TEX2: variants seen among roughly 807,000 people sequenced by gnomAD.
The protein encoded by TEX2 is testis expressed 2, also known as testis-expressed protein 2.
A neutral mutation model predicts 106.9 loss-of-function variants in TEX2; 53 were observed. The ratio of observed to expected loss-of-function variants is 0.50; its 90% CI spans 0.40 to 0.62. The LOEUF is 0.62. TEX2 is among the 20% of genes least tolerant of loss of function. TEX2 has a pLI of 0.00. For missense variants in TEX2, 1,207 were observed against 1,379.0 expected (o/e 0.88, Z 1.98); for synonymous variants, 523 against 534.8 (o/e 0.98, Z 0.30).
Position 64,217,023 on chromosome 17 carries a change from A to C in TEX2, c.-25-2781T>G, listed in dbSNP as rs1555632731. Among the ~76,000 whole-genome samples, 1 of 152,222 alleles carries C rather than the reference A, an allele frequency of 6.6e-6. No homozygotes were observed. Among genetic ancestry groups the C allele is most frequent in the East Asian group, 1.9e-4 (1 of 5,202 alleles). On this transcript the variant is annotated intron_variant, in intron 1 of 11. Transcript: ENST00000584379. This position sits in a 1 kb window ranked among gnomAD's most constrained non-coding sequence, Gnocchi z 4.3. ...TCCACTTCTCTAGATTTTTACTAAAATAAGCCACACGAGGCCGGAGCATCA... is the reference window on the plus strand; with the variant it reads ...TCCACTTCTCTAGATTTTTACTAAACTAAGCCACACGAGGCCGGAGCATCA...
chr17:64,227,023 C>T (rs551182031), intron 1 of TEX2, among the ~76,000 whole-genome samples: 9 of 152,004 alleles, frequency 5.9e-5, no homozygotes, highest in African/African-American at 1.2e-4. Flanking sequence ...GTCAAGAGAT[C>T]GAGACCATCT....
intron 1 of TEX2, among the ~76,000 whole-genome samples, chr17:64,250,156 T>C (rs1555636768): frequency 6.6e-6 from 1 of 152,110 alleles, no homozygotes; most frequent in African/African-American, 2.4e-5. Context: ...GAAACTGGGG[T>C]GGCCACATCA....
At chr17:64,189,884 T>C (rs1325468865) in intron 4 of TEX2, among the ~76,000 whole-genome samples, 1 of 151,254 alleles carries the variant, frequency 6.6e-6, no homozygotes, top group Non-Finnish European at 1.5e-5. Flanking sequence ...TGGGGGAGGC[T>C]GAAGGCAGGA....
In TEX2 at chr17:64,188,596, C is replaced by G. The variant is rs886337236; in HGVS notation, c.2177-181G>C. Reference sequence around the variant, plus strand: ...CTTTGAGAGGCCGAGGCGGGCGGATCACGAGGTCAGGAGATCGAGACCATC... The same window carrying G: ...CTTTGAGAGGCCGAGGCGGGCGGATGACGAGGTCAGGAGATCGAGACCATC... On this transcript the variant is annotated intron_variant, in intron 4 of 11. Transcript: ENST00000584379. 38 of 920,820 alleles carry G rather than the reference C, an allele frequency of 4.1e-5. No individual in the cohort carries two copies. In the South Asian group the frequency reaches 4.2e-4, roughly 10 times the overall value. The allele number at this position is 920,820 out of a possible 1,614,324, so 57.0% of individuals were successfully genotyped here. A position where few individuals can be genotyped will look rare whatever the true frequency, so the allele number is the denominator to read the frequency against.
rs1555632229 is a variant in TEX2, at chr17:64,214,026, G to A, written c.192C>T (p.Ser64=). The change falls in exon 2 of 12, where the codon AGC becomes AGT. Residue 64 remains serine (S), a synonymous_variant. Transcript: ENST00000584379. ...CCTTGGCTTCCAGCCCTGTTACAAT[G>A]CTTTGGTCATCCAGCCCCTCCTCAA... ...EYFEEGLDDQ[S]IVTGLEAKED... is the part of the protein sequence containing the mutation. The A allele has an allele frequency of 1.9e-6, 3 of 1,614,182 alleles. No homozygotes were observed. The highest frequency in any genetic ancestry group is 2.5e-6 in the Non-Finnish European group (3 of 1,180,026).
rs782213447 is a variant in TEX2, at chr17:64,213,894, G to A, written c.324C>T (p.Pro108=). The change falls in exon 2 of 12, where the codon CCC becomes CCT. Residue 108 remains proline, a synonymous_variant. Coordinates refer to ENST00000584379, the MANE Select transcript of TEX2 (RefSeq NM_001288732.2). The surrounding 1 kb of genome is among the most constrained non-coding windows in gnomAD (Gnocchi z 4.4). ...LSVSQAPAIL[P]VSKNTVKLLE... Reference sequence around the variant, plus strand: ...ACAGCTTTACAGTGTTCTTGGAGACGGGCAAAATGGCAGGGGCCTGGGACA... The same window carrying A: ...ACAGCTTTACAGTGTTCTTGGAGACAGGCAAAATGGCAGGGGCCTGGGACA... 77 of 1,614,078 alleles carry A rather than the reference G, an allele frequency of 4.8e-5. No individual in the cohort carries two copies. Among genetic ancestry groups the A allele is most frequent in the Admixed American group, 2.5e-4 (15 of 59,996 alleles).
intron 1 of TEX2, among the ~76,000 whole-genome samples, chr17:64,259,154 T>C (rs1407651113): frequency 6.6e-6 from 1 of 152,142 alleles, no homozygotes; most frequent in Non-Finnish European, 1.5e-5. Context: ...CATTGGGAAA[T>C]ATGTTTCTAA....
chr17:64,234,109 G>A lies in TEX2; in HGVS notation c.-25-19867C>T, dbSNP rs1316781838. Among the ~76,000 whole-genome samples, 9 of 152,182 alleles carry A rather than the reference G, an allele frequency of 5.9e-5. 1 individual carries two copies. The highest frequency in any genetic ancestry group is 2.2e-4 in the African/African-American group (9 of 41,446). ...AAGGCAAGTGGAATAAAAAAGAAAC[G>A]TGAATGCATAAAGGAACAAGAAAAA... On this transcript the variant is annotated intron_variant, in intron 1 of 11. Coordinates refer to ENST00000584379, the MANE Select transcript of TEX2 (RefSeq NM_001288732.2).
At chr17:64,238,813 C>T (rs2033825503) in intron 1 of TEX2, among the ~76,000 whole-genome samples, 1 of 152,144 alleles carries the variant, frequency 6.6e-6, no homozygotes, top group Admixed American at 6.5e-5. Context: ...ACCATATCAA[C>T]CAGGCAGCAA....
rs181732885 is a variant in TEX2 at position 64,153,445 on chromosome 17, C to G, written c.2931-291G>C. 2.3e-4 allele frequency among the ~76,000 whole-genome samples: 34 copies of G among 149,314 alleles called. No homozygotes were observed. In the East Asian group the frequency reaches 5.5e-3, roughly 24 times the overall value. ...AATCACCCCCAGTTGAGAACTACTA[C>G]TTCAGAGAAGGTGTAAATGTCTGAA... is the stretch of plus-strand genomic sequence containing the variant. On this transcript the variant is annotated intron_variant, in intron 9 of 11. Transcript: ENST00000584379. This position sits in a 1 kb window ranked among gnomAD's most constrained non-coding sequence, Gnocchi z 4.1.
chr17:64,247,795 T>C (rs1026713962), intron 1 of TEX2, among the ~76,000 whole-genome samples: 6 of 152,088 alleles, frequency 3.9e-5, no homozygotes, highest in African/African-American at 1.4e-4. Context: ...ACATCAAAGA[T>C]CTCTCCCCAC....
At chr17:64,203,873 A>T (rs1234796393) in intron 2 of TEX2, among the ~76,000 whole-genome samples, 1 of 152,220 alleles carries the variant, frequency 6.6e-6, no homozygotes, top group Non-Finnish European at 1.5e-5. Flanking sequence ...TCAGGGCTAA[A>T]GCCACAGCTT....
chr17:64,209,530 T>G (rs2032934140), intron 2 of TEX2, among the ~76,000 whole-genome samples: 1 of 152,238 alleles, frequency 6.6e-6, no homozygotes, highest in South Asian at 2.1e-4. Flanking sequence ...AATAAATGCT[T>G]AGTCTATGAC....
intron 7 of TEX2, among the ~76,000 whole-genome samples, chr17:64,168,361 A>G (rs1458316184): frequency 6.6e-6 from 1 of 152,226 alleles, no homozygotes. Flanking sequence ...CGTTCCTTTA[A>G]TACCATTTTC....
chr17:64,236,767 T>C (rs2033777261), intron 1 of TEX2, among the ~76,000 whole-genome samples: 2 of 152,228 alleles, frequency 1.3e-5, no homozygotes, highest in Admixed American at 1.3e-4. Context: ...CTCAATTTAT[T>C]ATGCACACAA....
intron 1 of TEX2, among the ~76,000 whole-genome samples, chr17:64,237,650 G>C (rs1371768093): frequency 1.3e-5 from 2 of 152,138 alleles, no homozygotes; most frequent in Non-Finnish European, 2.9e-5. Flanking sequence ...TTGCATATGG[G>C]AGTAAGGAAG....
intron 6 of TEX2, among the ~76,000 whole-genome samples, chr17:64,171,979 CAAA>C (rs11322413): frequency 8.7e-4 from 116 of 133,230 alleles, no homozygotes; most frequent in Admixed American, 1.0e-3. Flanking sequence ...GACTCTGCGT[CAAA>C]AAAAAAAAAA....
Position 64,181,459 on chromosome 17 carries a change from A to G in TEX2, c.2425-3988T>C, listed in dbSNP as rs556266461. Among the ~76,000 whole-genome samples, 186 of 138,704 alleles carry G rather than the reference A, an allele frequency of 1.3e-3. 2 individuals carry two copies. Among genetic ancestry groups the G allele is most frequent in the South Asian group, 6.9e-3 (28 of 4,078 alleles). The allele number at this position is 138,704 out of a possible 152,430, so 91.0% of individuals were successfully genotyped here. A position where few individuals can be genotyped will look rare whatever the true frequency, so the allele number is the denominator to read the frequency against. ...CCACTGTACTCCACCCTGGCCACAG[A>G]GCAAGGCTATCTCAAAAAAAAAAAA... On this transcript the variant is annotated intron_variant, in intron 5 of 11. Transcript: ENST00000584379.
At chr17:64,233,446 G>A (rs1371709994) in intron 1 of TEX2, among the ~76,000 whole-genome samples, 2 of 152,122 alleles carry the variant, frequency 1.3e-5, no homozygotes, top group African/African-American at 4.8e-5. Context: ...GGTGGCAGGC[G>A]CCTGTAATCC....
Sources: allele counts gnomAD v4.1 joint callset (sites outside exome capture counted in the v4.1 genomes callset), GRCh38; gene constraint gnomAD v4.1.1; non-coding constraint Gnocchi (gnomAD v3.1); transcripts MANE v1.5; gene names NCBI Gene and HGNC (gene_info 2026-07-23, HGNC 2026-07-21).